Variants in GIMAP5 observed in about 807,000 individuals in gnomAD.
The protein encoded by GIMAP5 is GTPase IMAP family member 5.
Under a neutral mutation model 9.9 loss-of-function variants are expected in GIMAP5, and 8 were observed. The observed-to-expected ratio is 0.81, with a 90% CI of 0.47 to 1.45. GIMAP5 has a LOEUF of 1.45. Ranked by LOEUF, GIMAP5 falls within the 40% of genes most tolerant of loss-of-function variation. The pLI, the probability that GIMAP5 is intolerant of heterozygous loss-of-function variation, is 0.00. For missense variants in GIMAP5, 353 were observed against 367.4 expected (o/e 0.96, Z 0.32); for synonymous variants, 174 against 151.4 (o/e 1.15, Z -1.09).
chr7:150,742,942 C>T lies in GIMAP5; in HGVS notation c.803C>T (p.Ala268Val), dbSNP rs1252099291. The T allele has an allele frequency of 2.5e-6, 4 of 1,614,116 alleles. No homozygotes were observed. The African/African-American group carries it at 5.3e-5, about 22-fold the overall frequency. The change falls in exon 3 of 3, where the codon GCA (alanine) becomes GTA (valine). Residue 268 changes from alanine (A) to valine (V), a missense_variant. Ala to Val is a moderately conservative substitution (Grantham distance 64, BLOSUM62 0). Coordinates refer to ENST00000358647, the MANE Select transcript of GIMAP5 (RefSeq NM_018384.5). Reference sequence around the variant, plus strand: ...CTGAGGGAGAACGAGAGTAACTGGGCATACAAGGCGCTCCTCAGAGTCAAA... The same window carrying T: ...CTGAGGGAGAACGAGAGTAACTGGGTATACAAGGCGCTCCTCAGAGTCAAA... The part of the protein sequence containing the change: ...QELRENESNW[A>V]YKALLRVKHL...
chr7:150,740,688 C>T, intron 1 of GIMAP5, 191 bp from the exon 2 acceptor site: 1 of 570,606 alleles, frequency 1.8e-6, no homozygotes, highest in South Asian at 2.3e-5. Flanking sequence ...CATAACCTAA[C>T]ATCTAACATC....
At position 150,742,790 on chromosome 7, in the gene GIMAP5, C is replaced by A. The variant is rs1345630514; in HGVS notation, c.651C>A (p.Ser217=). 1.2e-6 allele frequency: 2 copies of A among 1,614,142 alleles called. No homozygotes were observed. Among genetic ancestry groups the A allele is most frequent in the East Asian group, 2.2e-5 (1 of 44,868 alleles). ...IERLGREREG[S]FHSNDLFLDA... The stretch of plus-strand genomic sequence containing the variant: ...GGCTGGGGAGGGAGCGAGAGGGCTC[C>A]TTCCACAGCAATGACCTCTTCTTGG... The change falls in exon 3 of 3, where the codon TCC becomes TCA. Residue 217 remains serine (S), a synonymous_variant. Transcript: ENST00000358647.
In GIMAP5 at chr7:150,740,891, G is replaced by A. The variant is rs61751052; in HGVS notation, c.7G>A (p.Gly3Arg). 8.6e-4 allele frequency: 1,381 copies of A among 1,614,024 alleles called. 12 individuals carry two copies. The African/African-American group carries it at 0.016, about 18-fold the overall frequency. The change falls in exon 2 of 3, where the codon GGA becomes AGA. Residue 3 changes from glycine to arginine, a missense_variant. By Grantham distance (125) the Gly-to-Arg change is moderately radical (BLOSUM62 -2). Transcript: ENST00000358647. ...GTTTTTATTCCAGGAGAGAATGGGA[G>A]GATTCCAGAGGGGCAAATATGGAAC... MG[G>R]FQRGKYGTMA... is the part of the protein sequence containing the mutation.
Position 150,741,057 on chromosome 7 carries a change from A to G in GIMAP5, c.43+130A>G. On this transcript the variant is annotated intron_variant, in intron 2 of 2. Transcript: ENST00000358647. ...TTAAATGAAGAAGATAAAGGCAACTATCATCACGTGTGTGTTATCAAACCA... is the reference window on the plus strand; with the variant it reads ...TTAAATGAAGAAGATAAAGGCAACTGTCATCACGTGTGTGTTATCAAACCA... 9 of 848,680 alleles carry G rather than the reference A, an allele frequency of 1.1e-5. 1 individual carries two copies. The South Asian group carries it at 1.1e-4, about 11-fold the overall frequency. The allele number at this position is 848,680 out of a possible 1,614,324, so 52.6% of individuals were successfully genotyped here.
rs1255213200 is a variant in GIMAP5, at chr7:150,742,604, C to T, written c.465C>T (p.Asp155=). 1 of 1,614,094 alleles carries T rather than the reference C, an allele frequency of 6.2e-7. No homozygotes were observed. Among genetic ancestry groups the T allele is most frequent in the African/African-American group, 1.3e-5 (1 of 74,924 alleles). The part of the protein sequence containing the change: ...HVVILFTHKE[D]LGGQALDDYV... ...TCATCCTCTTCACCCACAAAGAGGACTTAGGGGGCCAGGCCCTGGATGACT... is the reference window on the plus strand; with the variant it reads ...TCATCCTCTTCACCCACAAAGAGGATTTAGGGGGCCAGGCCCTGGATGACT... Residue 155 remains aspartate (D), a synonymous_variant, in exon 3 of 3, where the codon GAC becomes GAT. Transcript: ENST00000358647.
At chr7:150,739,021 G>A (rs1482647174) in intron 1 of GIMAP5, 1 of 152,222 alleles carries the variant, frequency 6.6e-6, no homozygotes, top group East Asian at 1.9e-4. Flanking sequence ...ACTGGCTTTT[G>A]TGACAGGCAA....
Position 150,742,868 on chromosome 7 carries a change from G to T in GIMAP5, c.729G>T (p.Arg243Ser), listed in dbSNP as rs1797623692. Reference protein sequence around the residue: ...TGAGACQEDYRQYQAKVEWQV... With the variant: ...TGAGACQEDYSQYQAKVEWQV... ...CTGGGGCCTGCCAGGAAGACTACAG[G>T]CAGTACCAGGCCAAAGTGGAATGGC... The change falls in exon 3 of 3, where the codon AGG becomes AGT. Residue 243 changes from arginine to serine, a missense_variant. By Grantham distance (110) the Arg-to-Ser change is moderately radical. Coordinates refer to ENST00000358647, the MANE Select transcript of GIMAP5 (RefSeq NM_018384.5). 1 of 1,614,090 alleles carries T rather than the reference G, an allele frequency of 6.2e-7. No individual in the cohort carries two copies. The highest frequency in any genetic ancestry group is 1.3e-5 in the African/African-American group (1 of 74,922).
intron 1 of GIMAP5, chr7:150,740,114 C>T (rs567470038): frequency 2.0e-5 from 3 of 152,258 alleles, no homozygotes; most frequent in South Asian, 2.1e-4. Context: ...ACTCAACTCC[C>T]TGGGAGTCAT....
Position 150,742,676 on chromosome 7 carries a change from G to C in GIMAP5, c.537G>C (p.Glu179Asp). 6.2e-7 allele frequency: 1 copy of C among 1,614,206 alleles called. No individual in the cohort carries two copies. The highest frequency in any genetic ancestry group is 8.5e-7 in the Non-Finnish European group (1 of 1,180,032). Residue 179 changes from glutamate to aspartate, a missense_variant, in exon 3 of 3, where the codon GAG (glutamate) becomes GAC (aspartate). Transcript: ENST00000358647. The stretch of plus-strand genomic sequence containing the variant: ...GCAGCCTGAAAGACCTGGTGCGGGA[G>C]TGTGAGAGAAGGTACTGTGCCTTCA... Reference protein sequence around the residue: ...DNCSLKDLVRECERRYCAFNN... With the variant: ...DNCSLKDLVRDCERRYCAFNN...
At chr7:150,741,233 G>A (rs939128051) in intron 2 of GIMAP5, among the ~76,000 whole-genome samples, 1 of 135,678 alleles carries the variant, frequency 7.4e-6, no homozygotes, top group Non-Finnish European at 1.6e-5. Flanking sequence ...TCTGCTGACA[G>A]CTCAAAAAGA....
At position 150,742,217 on chromosome 7, in the gene GIMAP5, G is replaced by T; in HGVS notation, c.78G>T (p.Pro26=). Residue 26 remains proline, a synonymous_variant, in exon 3 of 3, where the codon CCG becomes CCT. Coordinates refer to ENST00000358647, the MANE Select transcript of GIMAP5 (RefSeq NM_018384.5). ...AAGATAACTTGTCTGCAACACCACC[G>T]GCATTGAGGATTATCCTAGTGGGCA... ...RSEDNLSATP[P]ALRIILVGKT... 1.2e-6 allele frequency: 2 copies of T among 1,614,054 alleles called. No individual in the cohort carries two copies. Among genetic ancestry groups the T allele is most frequent in the Non-Finnish European group, 1.7e-6 (2 of 1,179,978 alleles).
rs192700023 is a variant in GIMAP5, at chr7:150,741,772, T to C, written c.44-411T>C. Among the ~76,000 whole-genome samples, 646 of 152,318 alleles carry C rather than the reference T, an allele frequency of 4.2e-3. 47 individuals are homozygous for C. The South Asian group carries it at 0.13, about 30-fold the overall frequency. ...TGGAGTGTGTCTATACAAGTGTGCCTGGAAATGTGTGGGTGAAAGAGAAGT... is the reference window on the plus strand; with the variant it reads ...TGGAGTGTGTCTATACAAGTGTGCCCGGAAATGTGTGGGTGAAAGAGAAGT... On this transcript the variant is annotated intron_variant, in intron 2 of 2. Coordinates refer to ENST00000358647, the MANE Select transcript of GIMAP5 (RefSeq NM_018384.5).
At position 150,742,356 on chromosome 7, in the gene GIMAP5, T is replaced by C; in HGVS notation, c.217T>C (p.Trp73Arg). ...GACGTGCCAGGTGAAAACAGGAACA[T>C]GGAACGGGAGGAAAGTCCTGGTGGT... ...TRTCQVKTGT[W>R]NGRKVLVVDT... is the part of the protein sequence containing the mutation. The change falls in exon 3 of 3, where the codon TGG becomes CGG. Residue 73 changes from tryptophan to arginine, a missense_variant. Coordinates refer to ENST00000358647, the MANE Select transcript of GIMAP5 (RefSeq NM_018384.5). 6.2e-7 allele frequency: 1 copy of C among 1,614,088 alleles called. No homozygotes were observed. The highest frequency in any genetic ancestry group is 8.5e-7 in the Non-Finnish European group (1 of 1,180,032).
chr7:150,737,607 G>T lies in GIMAP5; in HGVS notation c.-108G>T. 1 of 1,535,702 alleles carries T rather than the reference G, an allele frequency of 6.5e-7. No homozygotes were observed. Among genetic ancestry groups the T allele is most frequent in the Non-Finnish European group, 8.7e-7 (1 of 1,146,908 alleles). On this transcript the variant is annotated 5_prime_UTR_variant, in exon 1 of 3. Coordinates refer to ENST00000358647, the MANE Select transcript of GIMAP5 (RefSeq NM_018384.5). ...CAGCATCCCCGCACACAGACGCAGA[G>T]CAGGACTCTCTCTGCTGCCACTTCA...
chr7:150,742,155 G>C, intron 2 of GIMAP5, 28 bp from the exon 3 acceptor site: 1 of 1,599,756 alleles, frequency 6.3e-7, no homozygotes, highest in South Asian at 1.1e-5. Flanking sequence ...CATTAACTTA[G>C]TAAGATACAA....
chr7:150,741,255 T>C (rs930299186), intron 2 of GIMAP5, among the ~76,000 whole-genome samples: 1 of 151,042 alleles, frequency 6.6e-6, no homozygotes, highest in Non-Finnish European at 1.5e-5. Flanking sequence ...AAGGTCCCCA[T>C]AGGGATTTAG....
Position 150,743,194 on chromosome 7 carries a change from C to A in GIMAP5, c.*131C>A. 8.3e-7 allele frequency: 1 copy of A among 1,206,110 alleles called. No individual in the cohort carries two copies. The highest frequency in any genetic ancestry group is 2.4e-5 in the East Asian group (1 of 41,604). The allele number at this position is 1,206,110 out of a possible 1,614,324, so 74.7% of individuals were successfully genotyped here. Reference sequence around the variant, plus strand: ...GCTGTCTGTGCAGCTCCCATTTCCCCTTCTTCCTGATAGACTTGGAGCTGT... The same window carrying A: ...GCTGTCTGTGCAGCTCCCATTTCCCATTCTTCCTGATAGACTTGGAGCTGT... On this transcript the variant is annotated 3_prime_UTR_variant, in exon 3 of 3. Coordinates refer to ENST00000358647, the MANE Select transcript of GIMAP5 (RefSeq NM_018384.5).
rs11977474 is a variant in GIMAP5 at position 150,737,612 on chromosome 7, A to G, written c.-103A>G. 12,262 of 1,535,048 alleles carry G rather than the reference A, an allele frequency of 8.0e-3. 745 individuals are homozygous for G. The African/African-American group carries it at 0.14, about 17-fold the overall frequency. ...TCCCCGCACACAGACGCAGAGCAGG[A>G]CTCTCTCTGCTGCCACTTCACCTTC... On this transcript the variant is annotated 5_prime_UTR_variant, in exon 1 of 3. Transcript: ENST00000358647.
rs76946650 is a variant in GIMAP5 at position 150,742,989 on chromosome 7, G to A, written c.850G>A (p.Glu284Lys). Residue 284 changes from glutamate to lysine, a missense_variant, in exon 3 of 3, where the codon GAG (glutamate) becomes AAG (lysine). Transcript: ENST00000358647. ...RVKHLMLLHY[E>K]IFVFLLLCSI... Reference sequence around the variant, plus strand: ...CAAACACTTGATGCTTTTGCATTATGAGATTTTTGTTTTTCTATTGTTGTG... The same window carrying A: ...CAAACACTTGATGCTTTTGCATTATAAGATTTTTGTTTTTCTATTGTTGTG... The A allele has an allele frequency of 2.3e-4, 370 of 1,614,088 alleles. 6 individuals carry two copies. The East Asian group carries it at 8.2e-3, about 36-fold the overall frequency.
Sources: allele counts gnomAD v4.1 joint callset (sites outside exome capture counted in the v4.1 genomes callset), GRCh38; gene constraint gnomAD v4.1.1; transcripts MANE v1.5; gene names NCBI Gene and HGNC (gene_info 2026-07-23, HGNC 2026-07-21).